Variants in EDNRA observed in about 807,000 individuals in gnomAD.
EDNRA encodes endothelin-1 receptor.
Under a neutral mutation model 41.4 loss-of-function variants are expected in EDNRA, and 11 were observed. The observed-to-expected ratio is 0.27, with a 90% CI of 0.17 to 0.44. The LOEUF (loss-of-function observed/expected upper bound fraction) is 0.44. Among genes scored for constraint, EDNRA ranks in the 20% least tolerant of loss-of-function variants. EDNRA has a pLI of 1.00. For missense variants in EDNRA, 294 were observed against 531.0 expected (o/e 0.55, Z 4.39); for synonymous variants, 172 against 183.0 (o/e 0.94, Z 0.49).
intron 3 of EDNRA, among the ~76,000 whole-genome samples, chr4:147,528,277 T>G (rs1391843076): frequency 6.6e-6 from 1 of 152,170 alleles, no homozygotes; most frequent in Non-Finnish European, 1.5e-5. Flanking sequence ...CTTGTTGTTC[T>G]AGGTATTGTG....
At chr4:147,507,485 A>G (rs1729758927) in intron 2 of EDNRA, among the ~76,000 whole-genome samples, 1 of 152,228 alleles carries the variant, frequency 6.6e-6, no homozygotes, top group South Asian at 2.1e-4. Flanking sequence ...TCTTGAAATG[A>G]TAGAGTTATA....
chr4:147,538,109 A>T (rs1730976491), intron 5 of EDNRA, among the ~76,000 whole-genome samples: 1 of 152,206 alleles, frequency 6.6e-6, no homozygotes, highest in African/African-American at 2.4e-5. Flanking sequence ...TTTCTCCCAT[A>T]GCAAAAAGTT....
At chr4:147,533,822 A>T (rs566674514) in intron 4 of EDNRA, among the ~76,000 whole-genome samples, 1 of 152,296 alleles carries the variant, frequency 6.6e-6, no homozygotes, top group East Asian at 1.9e-4. Flanking sequence ...ACAAAATGAA[A>T]TGGGCTGTTT....
intron 2 of EDNRA, chr4:147,495,432 G>C (rs548349903): frequency 8.5e-5 from 13 of 152,300 alleles, no homozygotes; most frequent in Non-Finnish European, 1.9e-4. Context: ...ACATTGTAAA[G>C]AAAATGTACA....
In EDNRA at chr4:147,517,087, T is replaced by C. The variant is rs550122117; in HGVS notation, c.421-2764T>C. Among the ~76,000 whole-genome samples the C allele has an allele frequency of 1.1e-4, 17 of 152,308 alleles. No individual in the cohort carries two copies. In the South Asian group the frequency reaches 3.5e-3, roughly 32 times the overall value. On this transcript the variant is annotated intron_variant, in intron 2 of 7. Transcript: ENST00000651419. ...CAGTGGTTGCCTTTGGGCAGGGAGT[T>C]TGGGGGCCTTGACTGGAAGGGAGAC...
At chr4:147,535,543 T>C (rs924074669) in intron 4 of EDNRA, among the ~76,000 whole-genome samples, 36 of 152,230 alleles carry the variant, frequency 2.4e-4, no homozygotes, top group African/African-American at 8.2e-4. Context: ...AAAATCATGT[T>C]TTATGAGCTT....
rs570557466 is a variant in EDNRA at position 147,518,101 on chromosome 4, A to G, written c.421-1750A>G. ...GAGTATATCCCATAACCGTGCCTAC[A>G]CTGTTTTAATTACATATATCTGTGG... On this transcript the variant is annotated intron_variant, in intron 2 of 7. Transcript: ENST00000651419. 9.3e-4 allele frequency among the ~76,000 whole-genome samples: 142 copies of G among 152,356 alleles called. 1 individual carries two copies. Among genetic ancestry groups the G allele is most frequent in the Middle Eastern group, 6.8e-3 (2 of 294 alleles).
Position 147,509,944 on chromosome 4 carries a change from A to C in EDNRA, c.421-9907A>C, listed in dbSNP as rs114459037. ...CCAAAACCATCCTGCCCCCGCTGCC[A>C]GGTCCATGTAAAAATTGTCTTCCAC... On this transcript the variant is annotated intron_variant, in intron 2 of 7. Coordinates refer to ENST00000651419, the MANE Select transcript of EDNRA (RefSeq NM_001957.4). Among the ~76,000 whole-genome samples, 382 of 152,312 alleles carry C rather than the reference A, an allele frequency of 2.5e-3. 1 individual carries two copies. Among genetic ancestry groups the C allele is most frequent in the African/African-American group, 8.7e-3 (363 of 41,578 alleles).
intron 2 of EDNRA, among the ~76,000 whole-genome samples, chr4:147,513,515 G>T (rs900259121): frequency 1.3e-5 from 2 of 152,110 alleles, no homozygotes; most frequent in African/African-American, 4.8e-5. Flanking sequence ...GCCTGTCCTG[G>T]GCATCACAAT....
chr4:147,505,326 C>CTTTTTTTTTTTTTTTTTT lies in EDNRA; in HGVS notation c.421-14525_421-14524insTTTTTTTTTTTTTTTTTT, dbSNP rs1729660192. Among the ~76,000 whole-genome samples the CTTTTTTTTTTTTTTTTTT allele has an allele frequency of 4.1e-4, 34 of 81,990 alleles. 1 individual carries two copies. The highest frequency in any genetic ancestry group is 1.8e-3 in the African/African-American group (34 of 18,404). The allele number at this position is 81,990 out of a possible 152,430, so 53.8% of individuals were successfully genotyped here. A position where few individuals can be genotyped will look rare whatever the true frequency, so the allele number is the denominator to read the frequency against. Reference sequence around the variant, plus strand: ...AAGAGAGTTTGGCAGTTTCTTTTTTCATTTTTTTTTTTTTTTTTTTTTTTT... The same window carrying CTTTTTTTTTTTTTTTTTT: ...AAGAGAGTTTGGCAGTTTCTTTTTTCTTTTTTTTTTTTTTTTTTATTTTTTTTTTTTTTTTTTTTTTTT... On this transcript the variant is annotated intron_variant, in intron 2 of 7. Transcript: ENST00000651419.
At position 147,532,460 on chromosome 4, in the gene EDNRA, C is replaced by G. The variant is rs200760453; in HGVS notation, c.549-46C>G. On this transcript the variant is annotated intron_variant, in intron 3 of 7. Coordinates refer to ENST00000651419, the MANE Select transcript of EDNRA (RefSeq NM_001957.4). ...TTACAATTTTTGTTTAATTGAAATA[C>G]ATTTAAAATTTCCTAACAACTTGGT... The G allele has an allele frequency of 3.9e-6, 6 of 1,557,986 alleles. No homozygotes were observed. The South Asian group carries it at 4.5e-5, about 12-fold the overall frequency.
intron 5 of EDNRA, among the ~76,000 whole-genome samples, chr4:147,537,796 A>G (rs1730966310): frequency 1.0e-5 from 1 of 97,582 alleles, no homozygotes; most frequent in South Asian, 3.2e-4. Flanking sequence ...TTAGAACCCA[A>G]GATTTTGTCC....
At chr4:147,525,622 A>G (rs6843446) in intron 3 of EDNRA, among the ~76,000 whole-genome samples, 49,045 of 147,700 alleles carry the variant, frequency 0.33, 9,378 homozygotes, top group African/African-American at 0.54. Context: ...GCAGCAGGAG[A>G]GGGGTAGGAG....
At chr4:147,513,391 G>C (rs372757771) in intron 2 of EDNRA, among the ~76,000 whole-genome samples, 4 of 152,184 alleles carry the variant, frequency 2.6e-5, no homozygotes, top group African/African-American at 9.7e-5. Flanking sequence ...TGAATGCTCT[G>C]TCTCAATCCT....
chr4:147,530,054 G>A (rs1730692835), intron 3 of EDNRA, among the ~76,000 whole-genome samples: 2 of 152,170 alleles, frequency 1.3e-5, no homozygotes, highest in South Asian at 4.1e-4. Context: ...ATTTACATTG[G>A]ATTATGGATG....
Position 147,485,915 on chromosome 4 carries a change from T to C in EDNRA, c.234T>C (p.Ala78=). The change falls in exon 2 of 8, where the codon GCT becomes GCC. Residue 78 remains alanine, a synonymous_variant. Coordinates refer to ENST00000651419, the MANE Select transcript of EDNRA (RefSeq NM_001957.4). ...YCPQQTKITS[A]FKYINTVISC... is the part of the protein sequence containing the mutation. ...CACAGCAGACTAAAATTACTTCAGC[T>C]TTCAAATACATTAACACTGTGATAT... 6.2e-7 allele frequency: 1 copy of C among 1,614,258 alleles called. No homozygotes were observed. The highest frequency in any genetic ancestry group is 1.3e-5 in the African/African-American group (1 of 75,066).
Position 147,543,302 on chromosome 4 carries a change from C to T in EDNRA, c.*684C>T, listed in dbSNP as rs1731178576. On this transcript the variant is annotated 3_prime_UTR_variant, in exon 8 of 8. Coordinates refer to ENST00000651419, the MANE Select transcript of EDNRA (RefSeq NM_001957.4). The stretch of plus-strand genomic sequence containing the variant: ...ATACTACAGGCCCTTAAAGCACAGT[C>T]TGATGACACATTTGGCAGTTTAATA... 1 of 152,150 alleles carries T rather than the reference C, an allele frequency of 6.6e-6. No individual in the cohort carries two copies. The highest frequency in any genetic ancestry group is 1.5e-5 in the Non-Finnish European group (1 of 68,036). The allele number at this position is 152,150 out of a possible 1,614,324, so 9.4% of individuals were successfully genotyped here.
rs1382341350 is a variant in EDNRA, at chr4:147,543,724, T to C, written c.*1106T>C. ...AAATGTTAACTGGCAGTAAGTCTTT[T>C]TTGATCATTCCCTTTTCCATATAGG... is the stretch of plus-strand genomic sequence containing the variant. On this transcript the variant is annotated 3_prime_UTR_variant, in exon 8 of 8. Coordinates refer to ENST00000651419, the MANE Select transcript of EDNRA (RefSeq NM_001957.4). 6.6e-6 allele frequency: 1 copy of C among 152,652 alleles called. No homozygotes were observed. The highest frequency in any genetic ancestry group is 1.5e-5 in the Non-Finnish European group (1 of 68,032). The allele number at this position is 152,652 out of a possible 1,614,324, so 9.5% of individuals were successfully genotyped here.
chr4:147,541,067 C>CAAAAAA (rs10551607), intron 7 of EDNRA, among the ~76,000 whole-genome samples: 7 of 46,166 alleles, frequency 1.5e-4, no homozygotes, highest in East Asian at 1.1e-3. Context: ...GACTCAGTCT[C>CAAAAAA]AAAAAAAAAA....
Sources: allele counts gnomAD v4.1 joint callset (sites outside exome capture counted in the v4.1 genomes callset), GRCh38; gene constraint gnomAD v4.1.1; transcripts MANE v1.5; gene names NCBI Gene and HGNC (gene_info 2026-07-23, HGNC 2026-07-21).